DAB2IP: variants seen among roughly 807,000 people sequenced by gnomAD.
DAB2IP encodes disabled homolog 2-interacting protein.
In DAB2IP, 28 loss-of-function variants were observed where a neutral mutation model predicts 107.2. The observed-to-expected ratio is 0.26, with a 90% CI of 0.19 to 0.36. The LOEUF is 0.36. Ranked by LOEUF, DAB2IP falls within the 10% of genes least tolerant of loss-of-function variation. The pLI, the probability that DAB2IP is intolerant of heterozygous loss-of-function variation, is 1.00. For synonymous variants in DAB2IP, 755 were observed against 706.4 expected (o/e 1.07, Z -1.09); for missense variants, 1,400 against 1,644.7 (o/e 0.85, Z 2.57).
intron 2 of DAB2IP, among the ~76,000 whole-genome samples, chr9:121,683,484 C>A (rs1828701733): frequency 6.6e-6 from 1 of 152,190 alleles, no homozygotes; most frequent in African/African-American, 2.4e-5. Flanking sequence ...CCAATTGATT[C>A]CTCCTCGGGA....
At chr9:121,643,831 G>C (rs1832442429) in intron 1 of DAB2IP, among the ~76,000 whole-genome samples, 1 of 152,158 alleles carries the variant, frequency 6.6e-6, no homozygotes, top group South Asian at 2.1e-4. Flanking sequence ...GTACTGATCA[G>C]CTCTGGACTG....
intron 3 of DAB2IP, among the ~76,000 whole-genome samples, chr9:121,718,654 G>T (rs974712634): frequency 1.9e-4 from 29 of 152,340 alleles, no homozygotes; most frequent in African/African-American, 7.0e-4. Context: ...ATGGGGGATA[G>T]TATCAGTTCA....
intron 14 of DAB2IP, among the ~76,000 whole-genome samples, chr9:121,778,570 A>G (rs1434190258): frequency 6.6e-6 from 1 of 151,640 alleles, no homozygotes; most frequent in Non-Finnish European, 1.5e-5. Flanking sequence ...GTATTTTTTT[A>G]TGATTCCATT....
At chr9:121,604,608 C>T (rs1429607884) in intron 1 of DAB2IP, among the ~76,000 whole-genome samples, 1 of 152,172 alleles carries the variant, frequency 6.6e-6, no homozygotes, top group African/African-American at 2.4e-5. Context: ...TGCTTACTGC[C>T]CAAATTCTTC....
At position 121,698,429 on chromosome 9, in the gene DAB2IP, G is replaced by A. The variant is rs1372708526; in HGVS notation, c.229-896G>A. On this transcript the variant is annotated intron_variant, in intron 2 of 15. Transcript: ENST00000408936. The surrounding 1 kb of genome is among the most constrained non-coding windows in gnomAD (Gnocchi z 4.1). ...CTGCCATTAGACCAGGAGCTCTTGGGATGGGGGAGGTGGGGGATTAAGCTC... is the reference window on the plus strand; with the variant it reads ...CTGCCATTAGACCAGGAGCTCTTGGAATGGGGGAGGTGGGGGATTAAGCTC... Among the ~76,000 whole-genome samples the A allele has an allele frequency of 1.3e-5, 2 of 152,242 alleles. No homozygotes were observed. The highest frequency in any genetic ancestry group is 2.9e-5 in the Non-Finnish European group (2 of 68,046).
chr9:121,689,936 C>T (rs1174322032), intron 2 of DAB2IP, among the ~76,000 whole-genome samples: 1 of 152,238 alleles, frequency 6.6e-6, no homozygotes, highest in Non-Finnish European at 1.5e-5. Flanking sequence ...AGAGCTTTAG[C>T]TCTGGAGCAG....
At chr9:121,621,580 A>G (rs933234938) in intron 1 of DAB2IP, among the ~76,000 whole-genome samples, 1 of 151,824 alleles carries the variant, frequency 6.6e-6, no homozygotes, top group Non-Finnish European at 1.5e-5. Flanking sequence ...GTCCTCGTGC[A>G]GTCCAGTCCC....
intron 1 of DAB2IP, among the ~76,000 whole-genome samples, chr9:121,567,599 C>T (rs962135916): frequency 1.3e-5 from 2 of 152,182 alleles, no homozygotes; most frequent in Non-Finnish European, 2.9e-5. Flanking sequence ...TCAATTAGTG[C>T]GATCCTGCGG....
chr9:121,682,870 G>C (rs573676211), intron 2 of DAB2IP, among the ~76,000 whole-genome samples: 2 of 152,108 alleles, frequency 1.3e-5, no homozygotes, highest in East Asian at 3.9e-4. Flanking sequence ...TATAGGGAGA[G>C]TTGGGGGGTA....
intron 3 of DAB2IP, among the ~76,000 whole-genome samples, chr9:121,708,355 C>T (rs1323643219): frequency 6.6e-6 from 1 of 152,208 alleles, no homozygotes; most frequent in Non-Finnish European, 1.5e-5. Flanking sequence ...CATGTCCTTT[C>T]TCATTAAGGC....
chr9:121,700,445 C>G (rs1469489748), intron 3 of DAB2IP, among the ~76,000 whole-genome samples: 1 of 152,186 alleles, frequency 6.6e-6, no homozygotes, highest in African/African-American at 2.4e-5. Context: ...ATGTCCCTGC[C>G]CAGCCTGTGG....
intron 1 of DAB2IP, among the ~76,000 whole-genome samples, chr9:121,588,406 C>A (rs145318912): frequency 1.3e-5 from 2 of 151,836 alleles, no homozygotes; most frequent in African/African-American, 4.8e-5. Flanking sequence ...GGGCACCTAG[C>A]GAGTGCTTCC....
chr9:121,658,052 A>G (rs986495196), intron 1 of DAB2IP, among the ~76,000 whole-genome samples: 1 of 152,154 alleles, frequency 6.6e-6, no homozygotes, highest in South Asian at 2.1e-4. Flanking sequence ...ATGAGCCCAG[A>G]TAGGGAAACT....
At chr9:121,741,124 C>G (rs1339375414) in intron 3 of DAB2IP, among the ~76,000 whole-genome samples, 2 of 152,164 alleles carry the variant, frequency 1.3e-5, no homozygotes, top group African/African-American at 4.8e-5. Context: ...CTCTGATGCT[C>G]GACACCCCCT....
rs11999882 is a variant in DAB2IP, at chr9:121,777,248, A to C, written c.3314+857A>C. The stretch of plus-strand genomic sequence containing the variant: ...AGCTGGACAGACCAAGCAGGTGTGC[A>C]AGAGCCAGGAAGGCCTCTGCTCCAT... On this transcript the variant is annotated intron_variant, in intron 14 of 15. Coordinates refer to ENST00000408936, the Ensembl canonical transcript of DAB2IP. 8.2e-3 allele frequency among the ~76,000 whole-genome samples: 1,251 copies of C among 152,308 alleles called. 19 individuals are homozygous for C. Among genetic ancestry groups the C allele is most frequent in the African/African-American group, 0.029 (1,204 of 41,558 alleles).
intron 3 of DAB2IP, chr9:121,751,994 C>T: frequency 1.0e-6 from 1 of 985,504 alleles, no homozygotes. Flanking sequence ...TAAAGGGTCT[C>T]TAGTCCCTGG....
intron 1 of DAB2IP, among the ~76,000 whole-genome samples, chr9:121,610,000 A>G (rs993635142): frequency 6.6e-6 from 1 of 152,146 alleles, no homozygotes; most frequent in Non-Finnish European, 1.5e-5. Context: ...TCACCTCTGG[A>G]TAGGGGAGGA....
At chr9:121,668,357 C>T (rs1475148459) in intron 1 of DAB2IP, among the ~76,000 whole-genome samples, 2 of 150,708 alleles carry the variant, frequency 1.3e-5, no homozygotes, top group African/African-American at 2.5e-5. Flanking sequence ...CCTGCCTCAG[C>T]CTCCCAAGTG....
intron 1 of DAB2IP, among the ~76,000 whole-genome samples, chr9:121,640,367 C>G (rs547010444): frequency 1.3e-5 from 2 of 151,450 alleles, no homozygotes; most frequent in African/African-American, 2.4e-5. Flanking sequence ...GTCAGGGGGG[C>G]GACAATGAGA....
Sources: gnomAD v4.1 joint callset for allele counts (sites outside exome capture counted in the v4.1 genomes callset) on GRCh38, gnomAD v4.1.1 for gene constraint, Gnocchi (gnomAD v3.1) non-coding constraint, MANE v1.5 for transcripts, NCBI Gene and HGNC (gene_info 2026-07-23, HGNC 2026-07-21) for gene names.